WDR11: variants seen among roughly 807,000 people sequenced by gnomAD.
WDR11 encodes WD repeat-containing protein 11.
In WDR11, 83 loss-of-function variants were observed where a neutral mutation model predicts 151.2. The ratio of observed to expected loss-of-function variants is 0.55; its 90% confidence interval spans 0.46 to 0.66. The LOEUF is 0.66. Ranked by LOEUF, WDR11 falls within the 30% of genes least tolerant of loss-of-function variation. WDR11 has a pLI of 0.00. For synonymous variants in WDR11, 484 were observed against 533.1 expected (o/e 0.91, Z 1.27); for missense variants, 1,301 against 1,480.9 (o/e 0.88, Z 1.99).
In WDR11 at chr10:120,871,288, T is replaced by G; in HGVS notation, c.1413T>G (p.Arg471=). Residue 471 remains arginine (R), a synonymous_variant, in exon 10 of 29, where the codon CGT becomes CGG. Transcript: ENST00000263461. The part of the protein sequence containing the change: ...SGLPAPQFAI[R]MCPPLTTKNI... ...TGCCCGCACCACAGTTTGCTATTCG[T>G]ATGTGTCCACCGTTGACCACAAAAA... is the stretch of plus-strand genomic sequence containing the variant. 1 of 1,614,094 alleles carries G rather than the reference T, an allele frequency of 6.2e-7. No homozygotes were observed. Among genetic ancestry groups the G allele is most frequent in the Non-Finnish European group, 8.5e-7 (1 of 1,180,016 alleles).
At chr10:120,869,142 G>C (rs1462471556) in intron 9 of WDR11, among the ~76,000 whole-genome samples, 2 of 108,900 alleles carry the variant, frequency 1.8e-5, no homozygotes, top group African/African-American at 7.1e-5. Context: ...ACGGAGTCTT[G>C]CTCTGTCGCC....
chr10:120,906,104 G>A (rs111502404), intron 27 of WDR11, 83 bp downstream of exon 27: 1 of 1,609,942 alleles, frequency 6.2e-7, no homozygotes, highest in East Asian at 2.2e-5. Context: ...GCAGGTCATG[G>A]TACTCGATGT....
rs1163691727 is a variant in WDR11, at chr10:120,874,186, TTTTTTTG to T, written c.1556+266_1556+272del. Among the ~76,000 whole-genome samples, 79 of 96,950 alleles carry T rather than the reference TTTTTTTG, an allele frequency of 8.1e-4. 1 individual carries two copies. Among genetic ancestry groups the T allele is most frequent in the African/African-American group, 2.6e-3 (72 of 27,858 alleles). 63.6% of individuals were successfully genotyped at this position (96,950 alleles called of 152,430 possible). A position where few individuals can be genotyped will look rare whatever the true frequency, so the allele number is the denominator to read the frequency against. On this transcript the variant is annotated intron_variant, in intron 11 of 28. Coordinates refer to ENST00000263461, the MANE Select transcript of WDR11 (RefSeq NM_018117.12). ...ATTGCGGTTTTTGCAGTTTTTTTTT[TTTTTTTG>T]TTGTTGTTGTTGTTGTTTGTTTTGT...
chr10:120,883,680 C>T (rs181144549), intron 13 of WDR11, 100 bp from the exon 14 acceptor site: 16 of 916,032 alleles, frequency 1.7e-5, no homozygotes, highest in Admixed American at 7.6e-5. Flanking sequence ...ATTTAGAATG[C>T]GTCAGCTGAG....
chr10:120,880,955 G>A, intron 13 of WDR11, 54 bp downstream of exon 13: 2 of 1,496,114 alleles, frequency 1.3e-6, no homozygotes, highest in Non-Finnish European at 1.8e-6. Flanking sequence ...AAATCTCGTG[G>A]ATTTTTTTAA....
At chr10:120,905,190 A>G in intron 25 of WDR11, 129 bp from the exon 26 acceptor site, 2 of 876,568 alleles carry the variant, frequency 2.3e-6, no homozygotes, top group Non-Finnish European at 3.7e-6. Flanking sequence ...CAGAATTTAA[A>G]TCAAGAATGT....
chr10:120,860,300 G>A lies in WDR11; in HGVS notation c.526+18G>A, dbSNP rs369799150. On this transcript the variant is annotated intron_variant, in intron 4 of 28. Coordinates refer to ENST00000263461, the MANE Select transcript of WDR11 (RefSeq NM_018117.12). The stretch of plus-strand genomic sequence containing the variant: ...TTTAACTTGTGAGTAACAGTTGCTT[G>A]TGGAAAATGAGTTAAGTGAGATATT... 6.9e-5 allele frequency: 111 copies of A among 1,611,408 alleles called. No homozygotes were observed. Among genetic ancestry groups the A allele is most frequent in the Non-Finnish European group, 8.9e-5 (105 of 1,179,732 alleles).
intron 9 of WDR11, among the ~76,000 whole-genome samples, chr10:120,868,249 T>A (rs951066612): frequency 6.6e-6 from 1 of 151,782 alleles, no homozygotes; most frequent in African/African-American, 2.4e-5. Flanking sequence ...AGGTCAGGAG[T>A]TCGAGACCAG....
chr10:120,904,370 C>A (rs1310329773), intron 24 of WDR11, among the ~76,000 whole-genome samples: 1 of 152,000 alleles, frequency 6.6e-6, no homozygotes, highest in Admixed American at 6.5e-5. Flanking sequence ...CAGTGGAGCC[C>A]AGCTATTTGT....
At chr10:120,874,872 T>C (rs1846707106) in intron 11 of WDR11, among the ~76,000 whole-genome samples, 1 of 151,994 alleles carries the variant, frequency 6.6e-6, no homozygotes. Flanking sequence ...TAGATATACA[T>C]GTGCCTTGGT....
At position 120,889,971 on chromosome 10, in the gene WDR11, A is replaced by C. The variant is rs61761620; in HGVS notation, c.2305A>C (p.Met769Leu). Reference sequence around the variant, plus strand: ...TAAAGGAAATCAAAAATTAATAGCAATGTACAATGATGGAGCTGAAGTGTG... The same window carrying C: ...TAAAGGAAATCAAAAATTAATAGCACTGTACAATGATGGAGCTGAAGTGTG... ...PGKGNQKLIAMYNDGAEVWDT... is the reference protein window; with the variant it reads ...PGKGNQKLIALYNDGAEVWDT... The change falls in exon 18 of 29, where the codon ATG becomes CTG. Residue 769 changes from methionine to leucine, a missense_variant. Met to Leu is a conservative substitution (Grantham distance 15). Transcript: ENST00000263461. 1 of 1,613,914 alleles carries C rather than the reference A, an allele frequency of 6.2e-7. No homozygotes were observed. Among genetic ancestry groups the C allele is most frequent in the South Asian group, 1.1e-5 (1 of 91,070 alleles).
At chr10:120,876,920 T>C (rs1260332643) in intron 11 of WDR11, among the ~76,000 whole-genome samples, 1 of 152,224 alleles carries the variant, frequency 6.6e-6, no homozygotes, top group Non-Finnish European at 1.5e-5. Flanking sequence ...TCTTCACTTA[T>C]ACTTACAGTG....
At chr10:120,901,280 A>G (rs565758760) in intron 21 of WDR11, among the ~76,000 whole-genome samples, 182 bp downstream of exon 21, 25 of 152,312 alleles carry the variant, frequency 1.6e-4, no homozygotes, top group African/African-American at 6.0e-4. Flanking sequence ...AAAAGTACTT[A>G]TTCAGTAGTT....
chr10:120,869,777 T>A (rs1030447240), intron 9 of WDR11, among the ~76,000 whole-genome samples: 1 of 146,912 alleles, frequency 6.8e-6, no homozygotes, highest in Non-Finnish European at 1.5e-5. Context: ...TTCCTTCATA[T>A]TTCATCTTTT....
chr10:120,869,830 A>T (rs1846467299), intron 9 of WDR11, among the ~76,000 whole-genome samples: 1 of 151,666 alleles, frequency 6.6e-6, no homozygotes, highest in African/African-American at 2.4e-5. Flanking sequence ...TCGCTCTGTC[A>T]CCAGGCTGGA....
At chr10:120,896,431 A>G (rs946489254) in intron 19 of WDR11, among the ~76,000 whole-genome samples, 1 of 147,286 alleles carries the variant, frequency 6.8e-6, no homozygotes, top group African/African-American at 2.5e-5. Context: ...TATTAAAAAT[A>G]CACAGTGAAA....
At chr10:120,866,186 G>A (rs896249163) in intron 7 of WDR11, among the ~76,000 whole-genome samples, 3 of 152,054 alleles carry the variant, frequency 2.0e-5, no homozygotes, top group African/African-American at 7.2e-5. Flanking sequence ...ATTATATACT[G>A]TGTAAAGATC....
In WDR11 at chr10:120,903,080, C is replaced by T. The variant is rs778347000; in HGVS notation, c.2779C>T (p.His927Tyr). 9 of 1,613,998 alleles carry T rather than the reference C, an allele frequency of 5.6e-6. No homozygotes were observed. The South Asian group carries it at 8.8e-5, about 16-fold the overall frequency. The change falls in exon 23 of 29, where the codon CAC (histidine) becomes TAC (tyrosine). Residue 927 changes from histidine (H) to tyrosine (Y), a missense_variant. His to Tyr is a moderately conservative substitution (Grantham distance 83). This residue lies in a region of WDR11 where 589 missense variants were observed against 670.6 expected (regional missense o/e 0.88). Transcript: ENST00000263461. ...GCTCTATGGTGATGAATCGGAGCTG[C>T]ACTTCTGGACTGTCGCTGCCCACTA... ...SRLYGDESEL[H>Y]FWTVAAHYLH...
chr10:120,856,678 C>T (rs529389953), intron 2 of WDR11, among the ~76,000 whole-genome samples: 8 of 150,972 alleles, frequency 5.3e-5, no homozygotes, highest in East Asian at 1.9e-4. Context: ...TTTTTTCCTC[C>T]GATTATCTTC....
Sources: allele counts gnomAD v4.1 joint callset (sites outside exome capture counted in the v4.1 genomes callset), GRCh38; gene constraint gnomAD v4.1.1; regional missense constraint gnomAD v4.1.1; transcripts MANE v1.5; gene names NCBI Gene and HGNC (gene_info 2026-07-23, HGNC 2026-07-21).